Variants in FRRS1L observed in about 807,000 individuals in gnomAD.
FRRS1L encodes DOMON domain-containing protein FRRS1L.
Under a neutral mutation model 28.6 loss-of-function variants are expected in FRRS1L, and 22 were observed. That is an observed-to-expected ratio of 0.77 (90% CI 0.55 to 1.10). The LOEUF is 1.10. FRRS1L is among the 50% of genes least tolerant of loss of function. FRRS1L has a pLI of 0.00. For missense variants in FRRS1L, 380 were observed against 386.9 expected (o/e 0.98, Z 0.15); for synonymous variants, 158 against 151.4 (o/e 1.04, Z -0.32).
chr9:109,156,085 C>A (rs6477693), intron 1 of FRRS1L, among the ~76,000 whole-genome samples: 105,287 of 151,996 alleles, frequency 0.69, 36,601 homozygotes, highest in Non-Finnish European at 0.72. Context: ...TCAGGATTCC[C>A]GGTAATAATC....
At chr9:109,146,727 G>A (rs1831266702) in intron 3 of FRRS1L, among the ~76,000 whole-genome samples, 1 of 152,038 alleles carries the variant, frequency 6.6e-6, no homozygotes, top group Non-Finnish European at 1.5e-5. Flanking sequence ...CACCTAAAAT[G>A]AGCTGCACCC....
rs1489696497 is a variant in FRRS1L at position 109,130,784 on chromosome 9, C to T, written c.*6671G>A. The T allele has an allele frequency of 6.6e-6, 1 of 152,232 alleles. No individual in the cohort carries two copies. The highest frequency in any genetic ancestry group is 1.5e-5 in the Non-Finnish European group (1 of 68,052). 9.4% of individuals were successfully genotyped at this position (152,232 alleles called of 1,614,324 possible). ...CGGAGAAGCTGCATTCACTCTTCCC[C>T]ATGGCCAGGGCCTTCTATGTGATGA... is the stretch of plus-strand genomic sequence containing the variant. On this transcript the variant is annotated 3_prime_UTR_variant, in exon 5 of 5. Coordinates refer to ENST00000561981, the MANE Select transcript of FRRS1L (RefSeq NM_014334.4).
Position 109,137,464 on chromosome 9 carries a change from T to A in FRRS1L, c.873A>T (p.Gly291=), listed in dbSNP as rs377132738. 2.4e-5 allele frequency: 39 copies of A among 1,603,516 alleles called. No individual in the cohort carries two copies. The highest frequency in any genetic ancestry group is 3.2e-5 in the Non-Finnish European group (38 of 1,173,494). ...GGCCCTGCAGCTGTGGTTAGGGGGT[T>A]CCCATCAATAGGTAGAAGGTCAGAG... ...IVALTFYLLM[G]TP The change falls in exon 5 of 5, where the codon GGA becomes GGT. Residue 291 remains glycine, a synonymous_variant. Transcript: ENST00000561981.
chr9:109,166,852 C>A, intron 1 of FRRS1L, 49 bp downstream of exon 1: 1 of 633,184 alleles, frequency 1.6e-6, no homozygotes, highest in Non-Finnish European at 2.1e-6. Flanking sequence ...CCTCGGTCCC[C>A]CACCCCCGGT....
rs949124947 is a variant in FRRS1L, at chr9:109,141,950, A to G, written c.463-361T>C. 2.0e-5 allele frequency among the ~76,000 whole-genome samples: 3 copies of G among 150,202 alleles called. No homozygotes were observed. The East Asian group carries it at 5.8e-4, about 29-fold the overall frequency. On this transcript the variant is annotated intron_variant, in intron 3 of 4. Coordinates refer to ENST00000561981, the MANE Select transcript of FRRS1L (RefSeq NM_014334.4). ...CAAGGAGTCAGTGTCATAAAAGACC[A>G]AAAAAAGAAAAAAAAAAAAAAGGCT...
chr9:109,140,113 A>G (rs1831160440), intron 4 of FRRS1L: 1 of 152,194 alleles, frequency 6.6e-6, no homozygotes, highest in African/African-American at 2.4e-5. Flanking sequence ...TTGCCACCCA[A>G]AATGAGGTCA....
At chr9:109,149,806 C>G in intron 1 of FRRS1L, 86 bp from the exon 2 acceptor site, 1 of 890,668 alleles carries the variant, frequency 1.1e-6, no homozygotes, top group Non-Finnish European at 1.8e-6. Flanking sequence ...ACTGTTTTTT[C>G]TCACACATAT....
At position 109,134,012 on chromosome 9, in the gene FRRS1L, C is replaced by A. The variant is rs923586098; in HGVS notation, c.*3443G>T. ...AATTCTTATTTCTGAAAAATGATTA[C>A]TGTTAGTACTGTTACTAAGGATGTT... On this transcript the variant is annotated 3_prime_UTR_variant, in exon 5 of 5. Coordinates refer to ENST00000561981, the MANE Select transcript of FRRS1L (RefSeq NM_014334.4). The A allele has an allele frequency of 6.6e-6, 1 of 152,128 alleles. No individual in the cohort carries two copies. Among genetic ancestry groups the A allele is most frequent in the Non-Finnish European group, 1.5e-5 (1 of 68,010 alleles). 9.4% of individuals were successfully genotyped at this position (152,128 alleles called of 1,614,324 possible). A position where few individuals can be genotyped will look rare whatever the true frequency, so the allele number is the denominator to read the frequency against.
intron 1 of FRRS1L, among the ~76,000 whole-genome samples, chr9:109,154,067 T>C (rs1225560364): frequency 6.6e-6 from 1 of 152,216 alleles, no homozygotes; most frequent in African/African-American, 2.4e-5. Flanking sequence ...TACTTCATCC[T>C]GGCAGTTGGC....
At chr9:109,151,053 T>C (rs933247854) in intron 1 of FRRS1L, 6 of 152,230 alleles carry the variant, frequency 3.9e-5, no homozygotes, top group South Asian at 4.1e-4. Flanking sequence ...AGATTTATTA[T>C]ACTTTAAAAA....
rs1407277100 is a variant in FRRS1L at position 109,131,034 on chromosome 9, T to TA, written c.*6420dup. ...TACATTTTGAGTTGCCAGACATACT[T>TA]AAAATCACACTAGCCTAGCCACTAT... On this transcript the variant is annotated 3_prime_UTR_variant, in exon 5 of 5. Coordinates refer to ENST00000561981, the MANE Select transcript of FRRS1L (RefSeq NM_014334.4). The TA allele has an allele frequency of 6.6e-6, 1 of 152,240 alleles. No individual in the cohort carries two copies. The highest frequency in any genetic ancestry group is 1.5e-5 in the Non-Finnish European group (1 of 68,046). 9.4% of individuals were successfully genotyped at this position (152,240 alleles called of 1,614,324 possible).
intron 1 of FRRS1L, chr9:109,150,160 C>G (rs898351121): frequency 2.0e-5 from 3 of 152,876 alleles, no homozygotes; most frequent in African/African-American, 7.2e-5. Flanking sequence ...CCATTTTCAA[C>G]TTCCATTTTG....
chr9:109,140,469 G>C (rs909916067), intron 4 of FRRS1L: 2 of 152,104 alleles, frequency 1.3e-5, no homozygotes, highest in Admixed American at 1.3e-4. Flanking sequence ...GGAAGGGGAG[G>C]GGAGACCAGT....
intron 1 of FRRS1L, among the ~76,000 whole-genome samples, chr9:109,155,967 T>A (rs891046858): frequency 3.3e-5 from 5 of 152,168 alleles, no homozygotes; most frequent in African/African-American, 1.2e-4. Context: ...AATAAAACTG[T>A]TGCAGAAAAA....
chr9:109,165,590 T>G (rs1444124339), intron 1 of FRRS1L, among the ~76,000 whole-genome samples: 1 of 152,222 alleles, frequency 6.6e-6, no homozygotes. Flanking sequence ...TTAATACATT[T>G]CCCCAAATCC....
chr9:109,143,804 C>T (rs995772459), intron 3 of FRRS1L, among the ~76,000 whole-genome samples: 2 of 152,058 alleles, frequency 1.3e-5, no homozygotes, highest in African/African-American at 4.8e-5. Context: ...CCACTGCGCC[C>T]GGCTAATAAT....
intron 2 of FRRS1L, 188 bp from the exon 3 acceptor site, chr9:109,147,377 G>A: frequency 1.8e-6 from 1 of 565,828 alleles, no homozygotes. Context: ...GCCCCACTTT[G>A]TACACAAGAA....
intron 1 of FRRS1L, chr9:109,151,081 T>C (rs763350603): frequency 1.3e-5 from 2 of 152,232 alleles, no homozygotes; most frequent in Non-Finnish European, 2.9e-5. Context: ...AGGTCACACT[T>C]TTCTGGCACA....
chr9:109,158,261 T>C (rs546630376), intron 1 of FRRS1L, among the ~76,000 whole-genome samples: 2 of 152,386 alleles, frequency 1.3e-5, no homozygotes, highest in South Asian at 2.1e-4. Flanking sequence ...ATTTGTCCAT[T>C]TAAATTTTCG....
Sources: allele counts gnomAD v4.1 joint callset (sites outside exome capture counted in the v4.1 genomes callset), GRCh38; gene constraint gnomAD v4.1.1; transcripts MANE v1.5; gene names NCBI Gene and HGNC (gene_info 2026-07-23, HGNC 2026-07-21).